The following LRTM3 variants were observed in gnomAD, a reference collection of about 807,000 sequenced individuals.
The protein encoded by LRTM3 is leucine rich repeat transmembrane protein 3.
chr13:102,738,691 T>C, the LRTM3 span: 3 of 1,550,722 alleles, frequency 1.9e-6, no homozygotes, highest in Non-Finnish European at 2.6e-6. Flanking sequence ...GATTTGGTTG[T>C]GAAAAAGAGG....
At chr13:102,735,399 CT>C in the LRTM3 span, 1 of 1,551,306 alleles carries the variant, frequency 6.4e-7, no homozygotes, top group South Asian at 1.2e-5. Flanking sequence ...GGGAGAGACA[CT>C]TTTGCAATTC....
chr13:102,738,411 GAGA>G, the LRTM3 span: 1 of 1,550,816 alleles, frequency 6.4e-7, no homozygotes, highest in African/African-American at 1.4e-5. Flanking sequence ...AGTTGTAAAT[GAGA>G]AGGAGAAGGA....
At chr13:102,738,495 C>G in the LRTM3 span, 1 of 1,550,862 alleles carries the variant, frequency 6.4e-7, no homozygotes, top group Non-Finnish European at 8.7e-7. Flanking sequence ...TTCTCTTGCT[C>G]TTTAATGTCC....
chr13:102,739,618 A>G, the LRTM3 span: 11 of 1,550,518 alleles, frequency 7.1e-6, no homozygotes, highest in Non-Finnish European at 9.6e-6. Flanking sequence ...ATTCCTTTAT[A>G]CTGAGTATAT....
chr13:102,738,563 A>G, the LRTM3 span: 19 of 1,549,998 alleles, frequency 1.2e-5, no homozygotes, highest in Non-Finnish European at 1.3e-5. Context: ...AATTTTTTCC[A>G]TTTTTTGCCT....
At chr13:102,731,140 T>C in the LRTM3 span, 647 of 1,551,440 alleles carry the variant, frequency 4.2e-4, 5 homozygotes, top group African/African-American at 7.5e-3. Flanking sequence ...TTCCATTTTC[T>C]AGCTTATTAA....
At chr13:102,743,662 C>A in the LRTM3 span, 1 of 1,550,070 alleles carries the variant, frequency 6.5e-7, no homozygotes, top group Non-Finnish European at 8.7e-7. Flanking sequence ...CTTCCTCTTC[C>A]TCTGTAATAT....
At chr13:102,735,622 C>G in the LRTM3 span, 1 of 1,551,020 alleles carries the variant, frequency 6.4e-7, no homozygotes, top group Non-Finnish European at 8.7e-7. Flanking sequence ...ATTTGGGGAG[C>G]ATTTTGTCTT....
chr13:102,747,913 T>C, the LRTM3 span: 1 of 1,551,256 alleles, frequency 6.4e-7, no homozygotes, highest in Non-Finnish European at 8.7e-7. Context: ...GCTTTAGATG[T>C]ATGCTGAACC....
At chr13:102,731,936 C>G in the LRTM3 span, 6 of 1,550,830 alleles carry the variant, frequency 3.9e-6, no homozygotes, top group Non-Finnish European at 5.2e-6. Flanking sequence ...TTTAATGATC[C>G]TTGAGACATC....
chr13:102,758,486 A>G, the LRTM3 span: 1 of 1,535,498 alleles, frequency 6.5e-7, no homozygotes, highest in Non-Finnish European at 8.8e-7. Context: ...AGTATCAATG[A>G]GAAAAGCTCA....
the LRTM3 span, chr13:102,748,329 G>C: frequency 6.4e-7 from 1 of 1,550,884 alleles, no homozygotes. Flanking sequence ...GTATTCACTT[G>C]AATTTTTATG....
At chr13:102,750,423 T>G in the LRTM3 span, 1 of 1,087,732 alleles carries the variant, frequency 9.2e-7, no homozygotes, top group Non-Finnish European at 1.3e-6. Context: ...AAATGAATAT[T>G]AGAATATATT....
At chr13:102,736,386 G>T in the LRTM3 span, 2 of 1,551,102 alleles carry the variant, frequency 1.3e-6, no homozygotes, top group East Asian at 2.4e-5. Context: ...CCATTGGGGT[G>T]CATCAGGCCA....
At chr13:102,744,307 G>A in the LRTM3 span, 2 of 1,550,244 alleles carry the variant, frequency 1.3e-6, no homozygotes, top group African/African-American at 2.7e-5. Context: ...ACATGAGGCT[G>A]GAGAAATCTA....
the LRTM3 span, chr13:102,730,922 C>A: frequency 6.4e-7 from 1 of 1,551,212 alleles, no homozygotes; most frequent in Non-Finnish European, 8.7e-7. Context: ...TCCTGTGAAA[C>A]CAGGATGAAT....
chr13:102,736,204 C>T, the LRTM3 span: 2 of 1,548,312 alleles, frequency 1.3e-6, no homozygotes, highest in Non-Finnish European at 1.7e-6. Context: ...AGAGAGAAGG[C>T]ATGAATGGAT....
chr13:102,743,868 T>C, the LRTM3 span: 2 of 1,550,638 alleles, frequency 1.3e-6, no homozygotes, highest in Non-Finnish European at 1.7e-6. Flanking sequence ...CTCTGGTTTT[T>C]AGAGTCAGAT....
At chr13:102,753,936 C>A in the LRTM3 span, among the ~76,000 whole-genome samples, 2 of 151,982 alleles carry the variant, frequency 1.3e-5, no homozygotes, top group African/African-American at 4.8e-5. Flanking sequence ...GCAGGCTGGG[C>A]GGGGTGGCTC....
Sources: allele counts gnomAD v4.1 joint callset (sites outside exome capture counted in the v4.1 genomes callset), GRCh38; gene constraint gnomAD v4.1.1; transcripts MANE v1.5; gene names NCBI Gene and HGNC (gene_info 2026-07-23, HGNC 2026-07-21).